The following SCAPER variants were observed in gnomAD, a reference collection of about 807,000 sequenced individuals.
SCAPER encodes S phase cyclin A-associated protein in the endoplasmic reticulum.
A neutral mutation model predicts 182.2 loss-of-function variants in SCAPER; 98 were observed. That is an observed-to-expected ratio of 0.54 (90% CI 0.46 to 0.64). The LOEUF (loss-of-function observed/expected upper bound fraction) is 0.64. SCAPER is among the 30% of genes least tolerant of loss of function. The probability of loss-of-function intolerance (pLI) is 0.00; values close to 1 mark genes in which losing one functional copy is unlikely to be tolerated. For synonymous variants in SCAPER, 605 were observed against 564.6 expected (o/e 1.07, Z -1.01); for missense variants, 1,432 against 1,690.0 (o/e 0.85, Z 2.68).
chr15:76,884,565 G>C (rs1199495088), intron 1 of SCAPER, among the ~76,000 whole-genome samples: 1 of 152,178 alleles, frequency 6.6e-6, no homozygotes, highest in African/African-American at 2.4e-5. Context: ...TCTGTATGAA[G>C]AGTCAGTGAA....
At chr15:76,856,775 G>A (rs1235414008) in intron 4 of SCAPER, among the ~76,000 whole-genome samples, 2 of 152,138 alleles carry the variant, frequency 1.3e-5, no homozygotes, top group East Asian at 3.9e-4. Context: ...GGCTGAGGTG[G>A]GAGAATTACT....
chr15:76,651,646 A>T (rs977747312), intron 21 of SCAPER, among the ~76,000 whole-genome samples: 1 of 150,732 alleles, frequency 6.6e-6, no homozygotes, highest in Non-Finnish European at 1.5e-5. Flanking sequence ...AAAAAAAAAA[A>T]CCCTTGACCA....
At chr15:76,440,791 G>A (rs1482785311) in intron 25 of SCAPER, among the ~76,000 whole-genome samples, 3 of 150,386 alleles carry the variant, frequency 2.0e-5, no homozygotes, top group South Asian at 4.2e-4. Flanking sequence ...CATAAAAATA[G>A]AACTGATGAA....
At chr15:76,903,739 G>C (rs1448147813) in intron 1 of SCAPER, among the ~76,000 whole-genome samples, 1 of 152,202 alleles carries the variant, frequency 6.6e-6, no homozygotes, top group African/African-American at 2.4e-5. Flanking sequence ...TGCAGCTCAA[G>C]GGAGTGTGGA....
chr15:76,712,030 G>A (rs2059611480), intron 17 of SCAPER, among the ~76,000 whole-genome samples: 1 of 152,084 alleles, frequency 6.6e-6, no homozygotes, highest in Non-Finnish European at 1.5e-5. Flanking sequence ...TGTCCTGAAT[G>A]GTAATGCCTA....
intron 23 of SCAPER, among the ~76,000 whole-genome samples, chr15:76,531,028 A>G (rs1050518690): frequency 6.6e-6 from 1 of 151,910 alleles, no homozygotes; most frequent in African/African-American, 2.4e-5. Context: ...CAAAGAGATT[A>G]AAAATAAGTT....
chr15:76,827,075 A>G (rs2068076810), intron 5 of SCAPER, among the ~76,000 whole-genome samples: 1 of 152,214 alleles, frequency 6.6e-6, no homozygotes, highest in Admixed American at 6.5e-5. Flanking sequence ...TTAGACAAAA[A>G]AAAGTAAGGT....
intron 20 of SCAPER, among the ~76,000 whole-genome samples, chr15:76,685,314 A>G (rs1052752876): frequency 1.3e-5 from 2 of 151,984 alleles, no homozygotes; most frequent in Admixed American, 6.5e-5. Context: ...ATATGAGCCA[A>G]TGTGATTTAA....
At chr15:76,582,828 C>T (rs2048358772) in intron 22 of SCAPER, among the ~76,000 whole-genome samples, 1 of 152,116 alleles carries the variant, frequency 6.6e-6, no homozygotes, top group African/African-American at 2.4e-5. Flanking sequence ...TTGACAATGT[C>T]ACCAAGAATA....
At chr15:76,702,561 C>T (rs968837234) in intron 19 of SCAPER, among the ~76,000 whole-genome samples, 1 of 152,138 alleles carries the variant, frequency 6.6e-6, no homozygotes, top group Non-Finnish European at 1.5e-5. Flanking sequence ...GATTCTCATG[C>T]CTCAGCCTCC....
chr15:76,742,466 T>TAAAAAAAAAAAAAAAA (rs55751202), intron 15 of SCAPER, among the ~76,000 whole-genome samples: 1 of 37,026 alleles, frequency 2.7e-5, no homozygotes, highest in African/African-American at 1.0e-4. Flanking sequence ...TGTCTTTTCC[T>TAAAAAAAAAAAAAAAA]AAAAAAAAAA....
At chr15:76,613,448 T>C (rs1205511441) in intron 22 of SCAPER, among the ~76,000 whole-genome samples, 1 of 152,184 alleles carries the variant, frequency 6.6e-6, no homozygotes, top group African/African-American at 2.4e-5. Context: ...AAAGGGCTTC[T>C]GAACAGCAAA....
chr15:76,783,862 C>T (rs1258470407), intron 8 of SCAPER, among the ~76,000 whole-genome samples: 1 of 152,204 alleles, frequency 6.6e-6, no homozygotes, highest in Non-Finnish European at 1.5e-5. Flanking sequence ...TCTCAATAAA[C>T]TAGGTATTGA....
intron 1 of SCAPER, among the ~76,000 whole-genome samples, chr15:76,898,012 G>A (rs2074530650): frequency 2.0e-5 from 3 of 152,208 alleles, no homozygotes; most frequent in South Asian, 4.1e-4. Flanking sequence ...TTGATTATAT[G>A]AATAAAAAGC....
At chr15:76,586,581 T>C (rs897889785) in intron 22 of SCAPER, 4 of 152,904 alleles carry the variant, frequency 2.6e-5, no homozygotes, top group Admixed American at 1.3e-4. Flanking sequence ...TGAATGTATA[T>C]ACATATGCAT....
chr15:76,579,265 CAAAA>C lies in SCAPER; in HGVS notation c.2712-4985_2712-4982del, dbSNP rs71143342. 2.4e-3 allele frequency among the ~76,000 whole-genome samples: 121 copies of C among 49,492 alleles called. 2 individuals carry two copies. The East Asian group carries it at 0.08, about 33-fold the overall frequency. 32.5% of individuals were successfully genotyped at this position (49,492 alleles called of 152,430 possible). A position where few individuals can be genotyped will look rare whatever the true frequency, so the allele number is the denominator to read the frequency against. Reference sequence around the variant, plus strand: ...TGGGTGACAGAGCGAGACTCTGTCTCAAAAAAAAAAAAAAAAAAAAAAAATAGTA... The same window carrying C: ...TGGGTGACAGAGCGAGACTCTGTCTCAAAAAAAAAAAAAAAAAAAATAGTA... On this transcript the variant is annotated intron_variant, in intron 22 of 31. Coordinates refer to ENST00000563290, the MANE Select transcript of SCAPER (RefSeq NM_020843.4).
chr15:76,663,937 CT>C (rs1008246659), intron 21 of SCAPER, among the ~76,000 whole-genome samples: 6 of 151,904 alleles, frequency 3.9e-5, no homozygotes, highest in African/African-American at 1.5e-4. Flanking sequence ...GAAGATAAAA[CT>C]ATTTTTCCTA....
intron 26 of SCAPER, among the ~76,000 whole-genome samples, chr15:76,423,782 CT>C (rs2046226127): frequency 6.6e-6 from 1 of 152,224 alleles, no homozygotes; most frequent in African/African-American, 2.4e-5. Context: ...CCTCTACACA[CT>C]GCTTTAAATG....
chr15:76,423,411 G>A (rs140475167), intron 26 of SCAPER, among the ~76,000 whole-genome samples: 7,218 of 152,244 alleles, frequency 0.047, 198 homozygotes, highest in South Asian at 0.079. Context: ...TTGCATAGAG[G>A]TGTTTATAGT....
Sources: gnomAD v4.1 joint callset for allele counts (sites outside exome capture counted in the v4.1 genomes callset) on GRCh38, gnomAD v4.1.1 for gene constraint, MANE v1.5 for transcripts, NCBI Gene and HGNC (gene_info 2026-07-23, HGNC 2026-07-21) for gene names.